The following CEP128 variants were observed in gnomAD, a reference collection of about 807,000 sequenced individuals.
CEP128 encodes the protein centrosomal protein 128kDa.
CEP128 carries 132 observed loss-of-function variants against 156.7 expected under a neutral mutation model. That is an observed-to-expected ratio of 0.84 (90% CI 0.73 to 0.97). The LOEUF (loss-of-function observed/expected upper bound fraction) is 0.97. Ranked by LOEUF, CEP128 falls within the 50% of genes least tolerant of loss-of-function variation. CEP128 has a pLI of 0.00. For synonymous variants in CEP128, 469 were observed against 448.9 expected, an observed-to-expected ratio of 1.04 and a Z score of -0.57; for missense variants, 1,252 against 1,281.9, an observed-to-expected ratio of 0.98 and a Z score of 0.36.
At chr14:80,745,088 G>C (rs1307907036) in intron 18 of CEP128, among the ~76,000 whole-genome samples, 1 of 152,146 alleles carries the variant, frequency 6.6e-6, no homozygotes, top group East Asian at 1.9e-4. Context: ...AACGTTGTGG[G>C]AGGGACCCAG....
At chr14:80,849,805 T>C (rs1043462234) in intron 9 of CEP128, among the ~76,000 whole-genome samples, 1 of 151,856 alleles carries the variant, frequency 6.6e-6, no homozygotes, top group African/African-American at 2.4e-5. Flanking sequence ...TAAATATAAC[T>C]GGGTAGATGG....
intron 2 of CEP128, among the ~76,000 whole-genome samples, chr14:80,929,779 C>G (rs1365189088): frequency 6.6e-6 from 1 of 152,140 alleles, no homozygotes; most frequent in African/African-American, 2.4e-5. Flanking sequence ...GTACACTACT[C>G]AGGTGACAGG....
rs1555386216 is a variant in CEP128, at chr14:80,647,118, C to CACACAT, written c.2807-66696_2807-66695insATGTGT. On this transcript the variant is annotated intron_variant, in intron 19 of 24. Coordinates refer to ENST00000555265, the MANE Select transcript of CEP128 (RefSeq NM_152446.5). ...TTATAAATACACATACACACACACA[C>CACACAT]ACACACATACACACACACACACACA... is the stretch of plus-strand genomic sequence containing the variant. Among the ~76,000 whole-genome samples the CACACAT allele has an allele frequency of 5.9e-3, 722 of 121,364 alleles. 32 individuals carry two copies. Among genetic ancestry groups the CACACAT allele is most frequent in the African/African-American group, 0.02 (690 of 34,090 alleles). 79.6% of individuals were successfully genotyped at this position (121,364 alleles called of 152,430 possible).
At chr14:80,925,391 A>G (rs1231496982) in intron 2 of CEP128, among the ~76,000 whole-genome samples, 1 of 152,174 alleles carries the variant, frequency 6.6e-6, no homozygotes, top group Non-Finnish European at 1.5e-5. Context: ...GTACAACAGA[A>G]GTTATGAAAA....
At chr14:80,942,327 G>A (rs17111256), upstream of CEP128, 26,196 of 152,164 alleles carry the variant, frequency 0.17, 2,510 homozygotes, top group Admixed American at 0.23. Context: ...AAGTAGATGT[G>A]AGGCTGTCAG....
rs150692351 is a variant in CEP128, at chr14:80,730,670, G to C, written c.2806+12405C>G. Reference sequence around the variant, plus strand: ...ATAGTTGTTTCGTGGAATTTATGTAGATGACTACAAAGACTAATTTGTGCT... The same window carrying C: ...ATAGTTGTTTCGTGGAATTTATGTACATGACTACAAAGACTAATTTGTGCT... On this transcript the variant is annotated intron_variant, in intron 19 of 24. Transcript: ENST00000555265. Among the ~76,000 whole-genome samples the C allele has an allele frequency of 1.3e-3, 203 of 152,302 alleles. 2 individuals are homozygous for C. The highest frequency in any genetic ancestry group is 4.4e-3 in the African/African-American group (182 of 41,574).
intron 13 of CEP128, among the ~76,000 whole-genome samples, chr14:80,814,701 A>G: frequency 6.6e-6 from 1 of 152,190 alleles, no homozygotes; most frequent in Non-Finnish European, 1.5e-5. Context: ...CAAAGAAATT[A>G]TAATTAAGAT....
chr14:80,878,918 T>A (rs1488970487), intron 8 of CEP128, among the ~76,000 whole-genome samples: 1 of 152,180 alleles, frequency 6.6e-6, no homozygotes. Context: ...GTGAACCACG[T>A]CAGATCCAAC....
At chr14:80,499,108 C>A (rs1256093087) in intron 24 of CEP128, among the ~76,000 whole-genome samples, 1 of 152,158 alleles carries the variant, frequency 6.6e-6, no homozygotes, top group Non-Finnish European at 1.5e-5. Flanking sequence ...GAATTAAATC[C>A]TTTAATGGAC....
intron 3 of CEP128, 70 bp downstream of exon 3, chr14:80,916,331 C>A (rs547366618): frequency 8.1e-7 from 1 of 1,242,040 alleles, no homozygotes; most frequent in South Asian, 1.3e-5. Flanking sequence ...GAAAACTAAT[C>A]CACTGACTGA....
chr14:80,696,543 A>C (rs1182593139), intron 19 of CEP128, among the ~76,000 whole-genome samples: 3 of 152,176 alleles, frequency 2.0e-5, no homozygotes, highest in African/African-American at 7.2e-5. Flanking sequence ...AATGTTTAGA[A>C]ATGCACTTAG....
intron 12 of CEP128, among the ~76,000 whole-genome samples, chr14:80,835,469 A>G (rs2140062023): frequency 6.6e-6 from 1 of 152,302 alleles, no homozygotes; most frequent in African/African-American, 2.4e-5. Flanking sequence ...TTAACAGTAC[A>G]TCCAACACTT....
At chr14:80,716,592 T>G (rs1319968206) in intron 19 of CEP128, among the ~76,000 whole-genome samples, 1 of 152,240 alleles carries the variant, frequency 6.6e-6, no homozygotes, top group African/African-American at 2.4e-5. Flanking sequence ...CATTTCTTAG[T>G]GCTAAATAAT....
chr14:80,735,159 C>CTATATATAGTGTTAAATCTGTACTATA (rs1481010291), intron 19 of CEP128, among the ~76,000 whole-genome samples: 4 of 151,976 alleles, frequency 2.6e-5, no homozygotes, highest in African/African-American at 9.7e-5. Context: ...CATTTTAACA[C>CTATATATAGTGTTAAATCTGTACTATA]TATAGTACAG....
chr14:80,718,146 A>C (rs562042680), intron 19 of CEP128, among the ~76,000 whole-genome samples: 1 of 152,280 alleles, frequency 6.6e-6, no homozygotes, highest in East Asian at 1.9e-4. Flanking sequence ...TTACTTTTTC[A>C]TGTAGTTGAA....
At chr14:80,540,623 T>A (rs1461287901) in intron 21 of CEP128, among the ~76,000 whole-genome samples, 1 of 152,214 alleles carries the variant, frequency 6.6e-6, no homozygotes, top group Non-Finnish European at 1.5e-5. Context: ...AGCAGAGGAA[T>A]GACATCCTCT....
chr14:80,945,722 G>A (rs755620079), upstream of CEP128: 3 of 152,184 alleles, frequency 2.0e-5, no homozygotes, highest in Non-Finnish European at 2.9e-5. Context: ...GCCATAGAGA[G>A]GTGACCATCT....
chr14:80,936,052 C>T (rs996167654), intron 2 of CEP128, among the ~76,000 whole-genome samples: 4 of 152,162 alleles, frequency 2.6e-5, no homozygotes, highest in African/African-American at 7.2e-5. Flanking sequence ...CATCAGGAGT[C>T]CACCCTGCTC....
intron 19 of CEP128, among the ~76,000 whole-genome samples, chr14:80,689,427 A>G (rs1896643415): frequency 6.6e-6 from 1 of 152,184 alleles, no homozygotes; most frequent in Admixed American, 6.6e-5. Flanking sequence ...GTGAACCTAA[A>G]GAGACCATAA....
Sources: allele counts gnomAD v4.1 joint callset (sites outside exome capture counted in the v4.1 genomes callset), GRCh38; gene constraint gnomAD v4.1.1; transcripts MANE v1.5; gene names NCBI Gene and HGNC (gene_info 2026-07-23, HGNC 2026-07-21).